The following SCD5 variants were observed in gnomAD, a reference collection of about 807,000 sequenced individuals.
SCD5 encodes stearoyl-CoA desaturase 5.
Under a neutral mutation model 30.4 loss-of-function variants are expected in SCD5, and 20 were observed. The observed-to-expected ratio is 0.66, with a 90% confidence interval of 0.46 to 0.96. The LOEUF (loss-of-function observed/expected upper bound fraction) is 0.96. SCD5 is among the 40% of genes least tolerant of loss of function. SCD5 has a pLI of 0.00. For synonymous variants in SCD5, 173 were observed against 176.4 expected (o/e 0.98, Z 0.16); for missense variants, 381 against 443.3 (o/e 0.86, Z 1.26).
rs775322311 is a variant in SCD5 at position 82,705,416 on chromosome 4, G to A, written c.233-3C>T. 1.2e-6 allele frequency: 2 copies of A among 1,614,146 alleles called. No homozygotes were observed. The highest frequency in any genetic ancestry group is 1.3e-5 in the African/African-American group (1 of 75,068). On this transcript the variant is annotated splice_polypyrimidine_tract_variant and splice_region_variant and intron_variant, in intron 1 of 4. Transcript: ENST00000319540. ...GGCCAGGAGGAAGCAGAAGTAGGCT[G>A]CAAGACACAAGCAGGGACAACGTCA...
intron 3 of SCD5, among the ~76,000 whole-genome samples, chr4:82,657,099 T>A (rs1727881674): frequency 3.9e-5 from 6 of 152,238 alleles, no homozygotes; most frequent in Admixed American, 3.9e-4. Flanking sequence ...CTCTCTAGTT[T>A]AATTAGATCC....
intron 3 of SCD5, among the ~76,000 whole-genome samples, chr4:82,680,434 A>G (rs1728543350): frequency 6.6e-6 from 1 of 152,232 alleles, no homozygotes; most frequent in African/African-American, 2.4e-5. Flanking sequence ...AGATTCCATG[A>G]AATCAGCCAT....
chr4:82,640,999 G>T (rs1328219301), intron 3 of SCD5, among the ~76,000 whole-genome samples: 1 of 152,184 alleles, frequency 6.6e-6, no homozygotes, highest in Non-Finnish European at 1.5e-5. Flanking sequence ...GACCTTGAAT[G>T]AATTATTTAA....
chr4:82,766,108 G>C (rs1721479127), intron 1 of SCD5, among the ~76,000 whole-genome samples: 1 of 152,142 alleles, frequency 6.6e-6, no homozygotes. Context: ...TTTATAGTTT[G>C]TTGAGCTTCT....
chr4:82,640,603 C>T (rs1300191002), intron 3 of SCD5, among the ~76,000 whole-genome samples: 1 of 152,176 alleles, frequency 6.6e-6, no homozygotes, highest in East Asian at 1.9e-4. Flanking sequence ...AAAATCCTCC[C>T]TGACTATCTC....
intron 1 of SCD5, among the ~76,000 whole-genome samples, chr4:82,713,034 G>A (rs28498874): frequency 0.39 from 59,611 of 151,960 alleles, 12,461 homozygotes; most frequent in African/African-American, 0.53. Context: ...TACAATAACC[G>A]GCAGCTCCTC....
At chr4:82,737,398 A>AT (rs1372198097) in intron 1 of SCD5, among the ~76,000 whole-genome samples, 1 of 152,036 alleles carries the variant, frequency 6.6e-6, no homozygotes, top group Non-Finnish European at 1.5e-5. Flanking sequence ...CTGGATGTTA[A>AT]TTTTTTTCAT....
intron 1 of SCD5, among the ~76,000 whole-genome samples, chr4:82,751,388 A>T (rs1233948976): frequency 6.6e-6 from 1 of 152,096 alleles, no homozygotes; most frequent in African/African-American, 2.4e-5. Flanking sequence ...AGGACTAACT[A>T]CTTGCATTCG....
At chr4:82,654,165 C>T (rs192635768) in intron 3 of SCD5, among the ~76,000 whole-genome samples, 22 of 152,312 alleles carry the variant, frequency 1.4e-4, no homozygotes, top group East Asian at 7.7e-4. Flanking sequence ...AATCCACCCA[C>T]CTCGGCCTCC....
At chr4:82,726,867 G>A (rs1445870740) in intron 1 of SCD5, among the ~76,000 whole-genome samples, 1 of 152,096 alleles carries the variant, frequency 6.6e-6, no homozygotes, top group Non-Finnish European at 1.5e-5. Flanking sequence ...CCCTGGAGCT[G>A]TCACAAAGCT....
intron 3 of SCD5, among the ~76,000 whole-genome samples, chr4:82,675,731 T>C (rs1728422561): frequency 6.6e-6 from 1 of 152,214 alleles, no homozygotes; most frequent in African/African-American, 2.4e-5. Flanking sequence ...CTGGATTTTA[T>C]CTTCATTTTG....
At chr4:82,681,835 G>C (rs937158252) in intron 2 of SCD5, among the ~76,000 whole-genome samples, 2 of 152,134 alleles carry the variant, frequency 1.3e-5, no homozygotes, top group African/African-American at 4.8e-5. Context: ...CATAAGAGAG[G>C]GGCAGTCCTG....
At chr4:82,649,370 A>G (rs546914330) in intron 3 of SCD5, among the ~76,000 whole-genome samples, 1 of 152,284 alleles carries the variant, frequency 6.6e-6, no homozygotes, top group East Asian at 1.9e-4. Flanking sequence ...TTTATCTCCA[A>G]TCACCCCTAA....
chr4:82,734,544 CT>C (rs1476680280), intron 1 of SCD5, among the ~76,000 whole-genome samples: 2 of 152,116 alleles, frequency 1.3e-5, no homozygotes, highest in Non-Finnish European at 2.9e-5. Context: ...AAGGGTTTAC[CT>C]TTTTTCTGTC....
At position 82,676,564 on chromosome 4, in the gene SCD5, C is replaced by T. The variant is rs139818301; in HGVS notation, c.569+4143G>A. On this transcript the variant is annotated intron_variant, in intron 3 of 4. Transcript: ENST00000319540. ...CTTCAGGCCTAGGCTCTATGTATTT[C>T]CTGTTGGGAGAACAGATCCCAGGAG... is the stretch of plus-strand genomic sequence containing the variant. 7.0e-3 allele frequency among the ~76,000 whole-genome samples: 1,069 copies of T among 152,324 alleles called. 7 individuals carry two copies. The highest frequency in any genetic ancestry group is 0.017 in the Middle Eastern group (5 of 294).
chr4:82,735,519 T>A lies in SCD5; in HGVS notation c.233-30106A>T, dbSNP rs1357428233. Among the ~76,000 whole-genome samples, 3 of 152,214 alleles carry A rather than the reference T, an allele frequency of 2.0e-5. No homozygotes were observed. In the East Asian group the frequency reaches 5.8e-4, roughly 29 times the overall value. On this transcript the variant is annotated intron_variant, in intron 1 of 4. Transcript: ENST00000319540. ...GTAAAGTAGTGAATAATCCTACAGA[T>A]ACACGACAATAAACGACGCAGTGCG... is the stretch of plus-strand genomic sequence containing the variant.
intron 1 of SCD5, among the ~76,000 whole-genome samples, chr4:82,748,675 G>C (rs1382726902): frequency 6.6e-6 from 1 of 152,184 alleles, no homozygotes; most frequent in African/African-American, 2.4e-5. Flanking sequence ...CCTACTCTGA[G>C]GCCCAAGAAA....
At chr4:82,676,411 T>C (rs1313958539) in intron 3 of SCD5, among the ~76,000 whole-genome samples, 1 of 152,220 alleles carries the variant, frequency 6.6e-6, no homozygotes, top group East Asian at 1.9e-4. Flanking sequence ...GCTAGGAGTA[T>C]AGGTGGAAGT....
At chr4:82,720,309 T>C (rs1012104547) in intron 1 of SCD5, among the ~76,000 whole-genome samples, 1 of 151,536 alleles carries the variant, frequency 6.6e-6, no homozygotes, top group African/African-American at 2.4e-5. Context: ...GATGTACGCC[T>C]GTAGTCCCAG....
Sources: gnomAD v4.1 joint callset for allele counts (sites outside exome capture counted in the v4.1 genomes callset) on GRCh38, gnomAD v4.1.1 for gene constraint, MANE v1.5 for transcripts, NCBI Gene and HGNC (gene_info 2026-07-23, HGNC 2026-07-21) for gene names.